VKORC1L1: variants seen among roughly 807,000 people sequenced by gnomAD.
VKORC1L1 encodes the protein vitamin K epoxide reductase complex subunit 1L1, also known as vitamin K epoxide reductase complex subunit 1-like protein 1.
Under a neutral mutation model 18.9 loss-of-function variants are expected in VKORC1L1, and 2 were observed. The observed-to-expected ratio is 0.11, with a 90% CI of 0.04 to 0.33. The LOEUF is 0.33. VKORC1L1 is among the 10% of genes least tolerant of loss of function. VKORC1L1 has a pLI of 1.00. For missense variants in VKORC1L1, 123 were observed against 224.1 expected (o/e 0.55, Z 2.88); for synonymous variants, 96 against 100.0 (o/e 0.96, Z 0.24).
chr7:65,880,905 T>C (rs1435877317), intron 1 of VKORC1L1, among the ~76,000 whole-genome samples: 2 of 152,180 alleles, frequency 1.3e-5, no homozygotes, highest in Non-Finnish European at 2.9e-5. Flanking sequence ...ATAAAGTTAT[T>C]GTACAGGTTG....
At position 65,955,583 on chromosome 7, in the gene VKORC1L1, G is replaced by A. The variant is rs1360703814; in HGVS notation, c.*1283G>A. On this transcript the variant is annotated 3_prime_UTR_variant, in exon 3 of 3. Transcript: ENST00000360768. ...CACCCAAATGAAATTGTGACAGGAT[G>A]TTTGTATGGTTAACATCTGATATCA... 6.6e-6 allele frequency: 1 copy of A among 152,210 alleles called. No individual in the cohort carries two copies. The highest frequency in any genetic ancestry group is 2.4e-5 in the African/African-American group (1 of 41,440). The allele number at this position is 152,210 out of a possible 1,614,324, so 9.4% of individuals were successfully genotyped here. A position where few individuals can be genotyped will look rare whatever the true frequency, so the allele number is the denominator to read the frequency against.
chr7:65,904,739 C>G (rs1255314865), intron 1 of VKORC1L1, among the ~76,000 whole-genome samples: 3 of 152,054 alleles, frequency 2.0e-5, no homozygotes, highest in Non-Finnish European at 1.5e-5. Context: ...TAGAAAAAGA[C>G]AGCAAAATGG....
intron 1 of VKORC1L1, among the ~76,000 whole-genome samples, chr7:65,881,026 T>C (rs1788919952): frequency 6.6e-6 from 1 of 152,184 alleles, no homozygotes; most frequent in South Asian, 2.1e-4. Flanking sequence ...TTTTGAACTT[T>C]CAGATTTGGG....
intron 1 of VKORC1L1, among the ~76,000 whole-genome samples, chr7:65,898,618 G>A (rs1287174293): frequency 6.6e-6 from 1 of 152,154 alleles, no homozygotes; most frequent in South Asian, 2.1e-4. Context: ...GAGTGGAACC[G>A]AGTGGCCAGA....
intron 1 of VKORC1L1, among the ~76,000 whole-genome samples, chr7:65,874,125 T>C (rs1312868010): frequency 6.6e-6 from 1 of 152,032 alleles, no homozygotes; most frequent in African/African-American, 2.4e-5. Flanking sequence ...ACTCCAGCGC[T>C]AGTGAGAATT....
chr7:65,906,818 T>C (rs1046413381), intron 1 of VKORC1L1, among the ~76,000 whole-genome samples: 3 of 152,166 alleles, frequency 2.0e-5, no homozygotes, highest in African/African-American at 7.2e-5. Context: ...TTATGCAGAA[T>C]GAAGGACATT....
chr7:65,895,512 T>C (rs200049158), intron 1 of VKORC1L1, among the ~76,000 whole-genome samples: 2,056 of 73,650 alleles, frequency 0.028, 32 homozygotes, highest in Non-Finnish European at 0.04. Flanking sequence ...TATATATATA[T>C]ATATACACAC....
chr7:65,911,734 A>G (rs905350266), intron 1 of VKORC1L1, among the ~76,000 whole-genome samples: 1 of 152,160 alleles, frequency 6.6e-6, no homozygotes, highest in Non-Finnish European at 1.5e-5. Flanking sequence ...TGCCTGGCCT[A>G]TACAACTTTC....
At chr7:65,877,225 C>G (rs1263736513) in intron 1 of VKORC1L1, among the ~76,000 whole-genome samples, 1 of 151,992 alleles carries the variant, frequency 6.6e-6, no homozygotes, top group African/African-American at 2.4e-5. Flanking sequence ...CTTGTACATA[C>G]TTGTTTATAT....
intron 1 of VKORC1L1, among the ~76,000 whole-genome samples, chr7:65,917,550 A>G (rs779643398): frequency 3.3e-5 from 5 of 151,870 alleles, no homozygotes; most frequent in Non-Finnish European, 7.4e-5. Flanking sequence ...TTCCTCTCCC[A>G]TGATAAATTT....
At chr7:65,927,884 G>C (rs1789792117) in intron 1 of VKORC1L1, among the ~76,000 whole-genome samples, 1 of 152,162 alleles carries the variant, frequency 6.6e-6, no homozygotes, top group Admixed American at 6.5e-5. Context: ...ATTTGGTGGG[G>C]TGGGGAGAGG....
chr7:65,898,078 T>G (rs1345434354), intron 1 of VKORC1L1, among the ~76,000 whole-genome samples: 2 of 33,746 alleles, frequency 5.9e-5, no homozygotes, highest in African/African-American at 2.0e-4. Context: ...TTGTAGCAGG[T>G]TTTTTTTTTT....
At chr7:65,870,244 A>G (rs1448975308), upstream of VKORC1L1, among the ~76,000 whole-genome samples, 4 of 146,038 alleles carry the variant, frequency 2.7e-5, no homozygotes, top group Non-Finnish European at 6.0e-5. Flanking sequence ...ATATGGTGAA[A>G]CCCCATCTCT....
chr7:65,879,720 C>T (rs1234499949), intron 1 of VKORC1L1, among the ~76,000 whole-genome samples: 4 of 151,536 alleles, frequency 2.6e-5, no homozygotes, highest in Non-Finnish European at 5.9e-5. Context: ...TCTTTTCCTT[C>T]CTTCTTTTCT....
chr7:65,880,122 G>T (rs1460365011), intron 1 of VKORC1L1, among the ~76,000 whole-genome samples: 3 of 152,136 alleles, frequency 2.0e-5, no homozygotes, highest in Non-Finnish European at 4.4e-5. Context: ...CCAAAGTGCT[G>T]AGATTACAGG....
intron 1 of VKORC1L1, among the ~76,000 whole-genome samples, chr7:65,940,236 G>A (rs571163846): frequency 6.6e-6 from 1 of 152,112 alleles, no homozygotes; most frequent in South Asian, 2.1e-4. Context: ...TGTTGCCCAG[G>A]CTGGTCTGGA....
In VKORC1L1 at chr7:65,873,682, G is replaced by A. The variant is rs1292505767; in HGVS notation, c.194+117G>A. 1,390 of 997,932 alleles carry A rather than the reference G, an allele frequency of 1.4e-3. 1 individual carries two copies. Among genetic ancestry groups the A allele is most frequent in the Admixed American group, 3.0e-3 (66 of 21,838 alleles). 61.8% of individuals were successfully genotyped at this position (997,932 alleles called of 1,614,324 possible). On this transcript the variant is annotated intron_variant, in intron 1 of 2. Transcript: ENST00000360768. ...GGGGCGGCGGGGACCGGGCCGCTGG[G>A]GAACTGACGGGGTCGGGTCGGGGCC...
chr7:65,934,198 CCA>C (rs1789904163), intron 1 of VKORC1L1, among the ~76,000 whole-genome samples: 1 of 151,910 alleles, frequency 6.6e-6, no homozygotes, highest in African/African-American at 2.4e-5. Context: ...AAGTTCAAGA[CCA>C]GCCTGGGCAA....
At chr7:65,921,274 G>A (rs552610791) in intron 1 of VKORC1L1, among the ~76,000 whole-genome samples, 92 of 152,186 alleles carry the variant, frequency 6.0e-4, no homozygotes, top group African/African-American at 2.1e-3. Flanking sequence ...TAACGTCTTA[G>A]GATTCCTATT....
Sources: allele counts gnomAD v4.1 joint callset (sites outside exome capture counted in the v4.1 genomes callset), GRCh38; gene constraint gnomAD v4.1.1; transcripts MANE v1.5; gene names NCBI Gene and HGNC (gene_info 2026-07-23, HGNC 2026-07-21).